The following BTBD10 variants were observed in gnomAD, a reference collection of about 807,000 sequenced individuals.
The protein encoded by BTBD10 is BTB/POZ domain-containing protein 10.
Under a neutral mutation model 53.2 loss-of-function variants are expected in BTBD10, and 21 were observed. That is an observed-to-expected ratio of 0.39 (90% CI 0.28 to 0.57). The LOEUF (loss-of-function observed/expected upper bound fraction) is 0.57, where lower values mean the gene tolerates loss of function less well. Ranked by LOEUF, BTBD10 falls within the 20% of genes least tolerant of loss-of-function variation. The probability of loss-of-function intolerance (pLI) is 0.53; values close to 1 mark genes in which losing one functional copy is unlikely to be tolerated. For synonymous variants in BTBD10, 149 were observed against 192.7 expected (o/e 0.77, Z 1.88); for missense variants, 360 against 594.7 (o/e 0.61, Z 4.10).
At chr11:13,412,263 G>A (rs1227745562) in intron 6 of BTBD10, among the ~76,000 whole-genome samples, 1 of 152,088 alleles carries the variant, frequency 6.6e-6, no homozygotes, top group Non-Finnish European at 1.5e-5. Flanking sequence ...AGACCAACCT[G>A]GCCAACATAG....
intron 1 of BTBD10, among the ~76,000 whole-genome samples, chr11:13,459,980 A>G (rs1382836479): frequency 6.6e-6 from 1 of 152,222 alleles, no homozygotes; most frequent in Non-Finnish European, 1.5e-5. Flanking sequence ...CAACAAGCAC[A>G]ATCTTCTCAA....
chr11:13,419,552 T>G lies in BTBD10; in HGVS notation c.492A>C (p.Arg164Ser), dbSNP rs745815391. The G allele has an allele frequency of 6.2e-7, 1 of 1,614,150 alleles. No individual in the cohort carries two copies. The highest frequency in any genetic ancestry group is 1.1e-5 in the South Asian group (1 of 91,088). Residue 164 changes from arginine to serine, a missense_variant, in exon 4 of 9, where the codon AGA (arginine) becomes AGC (serine). Coordinates refer to ENST00000278174, the MANE Select transcript of BTBD10 (RefSeq NM_032320.7). Reference sequence around the variant, plus strand: ...CTATTAGTGTCACTCGTTCTGACGTTCTTATATTCCGAGCTCCTTCTTTTG... The same window carrying G: ...CTATTAGTGTCACTCGTTCTGACGTGCTTATATTCCGAGCTCCTTCTTTTG... ...ENAKEGARNI[R>S]TSERVTLIVD...
chr11:13,419,553 C>T lies in BTBD10; in HGVS notation c.491G>A (p.Arg164Lys). Reference sequence around the variant, plus strand: ...TATTAGTGTCACTCGTTCTGACGTTCTTATATTCCGAGCTCCTTCTTTTGC... The same window carrying T: ...TATTAGTGTCACTCGTTCTGACGTTTTTATATTCCGAGCTCCTTCTTTTGC... ...ENAKEGARNIRTSERVTLIVD... is the reference protein window; with the variant it reads ...ENAKEGARNIKTSERVTLIVD... Residue 164 changes from arginine to lysine, a missense_variant, in exon 4 of 9, where the codon AGA (arginine) becomes AAA (lysine). Around this residue, in one of 6 missense-constraint regions of BTBD10, gnomAD observed 109 missense variants for 118.6 expected, o/e 0.92. Transcript: ENST00000278174. 6.2e-7 allele frequency: 1 copy of T among 1,614,118 alleles called. No homozygotes were observed. The highest frequency in any genetic ancestry group is 8.5e-7 in the Non-Finnish European group (1 of 1,179,980).
At chr11:13,459,753 T>C (rs1760953664) in intron 1 of BTBD10, 1 of 152,202 alleles carries the variant, frequency 6.6e-6, no homozygotes, top group South Asian at 2.1e-4. Context: ...TACAAATGAA[T>C]AGACAATGTA....
chr11:13,419,519 G>A lies in BTBD10; in HGVS notation c.525C>T (p.Asn175=), dbSNP rs746469885. The A allele has an allele frequency of 5.0e-6, 8 of 1,613,928 alleles. No homozygotes were observed. The African/African-American group carries it at 6.7e-5, about 13-fold the overall frequency. Residue 175 remains asparagine, a synonymous_variant, in exon 4 of 9, where the codon AAC becomes AAT. Coordinates refer to ENST00000278174, the MANE Select transcript of BTBD10 (RefSeq NM_032320.7). ...TSERVTLIVD[N]TRFVVDPSIF... Reference sequence around the variant, plus strand: ...TGGATGGGTCTACAACAAATCTAGTGTTATCCACTATTAGTGTCACTCGTT... The same window carrying A: ...TGGATGGGTCTACAACAAATCTAGTATTATCCACTATTAGTGTCACTCGTT...
In BTBD10 at chr11:13,454,992, C is replaced by A. The variant is rs377056197; in HGVS notation, c.-58+8100G>T. 5.5e-4 allele frequency among the ~76,000 whole-genome samples: 84 copies of A among 152,276 alleles called. 1 individual carries two copies. Among genetic ancestry groups the A allele is most frequent in the African/African-American group, 1.9e-3 (78 of 41,556 alleles). On this transcript the variant is annotated intron_variant, in intron 1 of 8. Transcript: ENST00000278174. The stretch of plus-strand genomic sequence containing the variant: ...ATGATGCAATCTCAGCTCACTGCAA[C>A]CTCTGCCTCCCGGGTTCAAGCAATT...
intron 8 of BTBD10, among the ~76,000 whole-genome samples, chr11:13,399,997 G>C (rs963966060): frequency 1.3e-5 from 2 of 152,218 alleles, no homozygotes; most frequent in Non-Finnish European, 2.9e-5. Context: ...GGGGCTCAGG[G>C]ACCCACTTCA....
In BTBD10 at chr11:13,461,651, T is replaced by C. The variant is rs537502788; in HGVS notation, c.-58+1441A>G. Among the ~76,000 whole-genome samples the C allele has an allele frequency of 2.0e-5, 3 of 152,266 alleles. No individual in the cohort carries two copies. In the South Asian group the frequency reaches 6.2e-4, roughly 32 times the overall value. On this transcript the variant is annotated intron_variant, in intron 1 of 8. Transcript: ENST00000278174. ...TGAGAAAGAAGAAAATTCAGACTGG[T>C]GGAAGGGTAACATAATTACATAGGG... is the stretch of plus-strand genomic sequence containing the variant.
intron 2 of BTBD10, among the ~76,000 whole-genome samples, chr11:13,441,365 T>C (rs1436508157): frequency 2.6e-5 from 4 of 152,126 alleles, no homozygotes; most frequent in Non-Finnish European, 5.9e-5. Flanking sequence ...TCTGATACGA[T>C]CACTATATGA....
intron 2 of BTBD10, among the ~76,000 whole-genome samples, chr11:13,439,709 T>C (rs926081993): frequency 1.4e-4 from 21 of 152,178 alleles, no homozygotes; most frequent in African/African-American, 5.1e-4. Flanking sequence ...ACATATTTCA[T>C]TTATTTTAAG....
intron 2 of BTBD10, among the ~76,000 whole-genome samples, chr11:13,435,239 G>C (rs965607531): frequency 6.6e-6 from 1 of 152,026 alleles, no homozygotes; most frequent in African/African-American, 2.4e-5. Context: ...TGGTTGCACA[G>C]GTTTATTGTG....
At chr11:13,439,705 T>C (rs1345547000) in intron 2 of BTBD10, among the ~76,000 whole-genome samples, 2 of 152,124 alleles carry the variant, frequency 1.3e-5, no homozygotes, top group African/African-American at 4.8e-5. Context: ...AAAAACATAT[T>C]TCATTTATTT....
At chr11:13,409,713 C>A (rs1463909120) in intron 6 of BTBD10, among the ~76,000 whole-genome samples, 1 of 152,212 alleles carries the variant, frequency 6.6e-6, no homozygotes, top group Non-Finnish European at 1.5e-5. Context: ...TCTCCACAGA[C>A]CCTTTGTCAT....
At chr11:13,400,570 G>T (rs1292738260) in intron 8 of BTBD10, among the ~76,000 whole-genome samples, 1 of 152,202 alleles carries the variant, frequency 6.6e-6, no homozygotes, top group East Asian at 1.9e-4. Flanking sequence ...CCACTGTCCG[G>T]CACTCCCCAG....
intron 1 of BTBD10, among the ~76,000 whole-genome samples, chr11:13,461,336 G>C (rs1951091110): frequency 6.6e-6 from 1 of 152,150 alleles, no homozygotes. Flanking sequence ...GAGTTCTCTT[G>C]AGAATGCTGA....
chr11:13,395,439 G>C (rs1949521762), intron 8 of BTBD10, among the ~76,000 whole-genome samples: 1 of 151,936 alleles, frequency 6.6e-6, no homozygotes, highest in South Asian at 2.1e-4. Context: ...CTGGATATTA[G>C]CCCTTTGTCA....
chr11:13,434,273 C>T (rs1316408462), intron 2 of BTBD10, among the ~76,000 whole-genome samples: 3 of 152,006 alleles, frequency 2.0e-5, no homozygotes, highest in Admixed American at 2.0e-4. Context: ...CAGATACTAA[C>T]ATATGGTGAT....
intron 2 of BTBD10, among the ~76,000 whole-genome samples, chr11:13,430,077 C>G (rs956003676): frequency 3.9e-5 from 6 of 152,064 alleles, no homozygotes; most frequent in Non-Finnish European, 5.9e-5. Context: ...CTACTGCACT[C>G]TAGCCTGGGC....
intron 8 of BTBD10, 39 bp from the exon 9 acceptor site, chr11:13,389,180 C>A: frequency 6.5e-7 from 1 of 1,547,022 alleles, no homozygotes. Context: ...AGGAGACACA[C>A]ACAGACCTCT....
Sources: allele counts gnomAD v4.1 joint callset (sites outside exome capture counted in the v4.1 genomes callset), GRCh38; gene constraint gnomAD v4.1.1; regional missense constraint gnomAD v4.1.1; transcripts MANE v1.5; gene names NCBI Gene and HGNC (gene_info 2026-07-23, HGNC 2026-07-21).